DYM: variants seen among roughly 807,000 people sequenced by gnomAD.
The protein encoded by DYM is dyggve-Melchior-Clausen syndrome protein.
In DYM, 78 loss-of-function variants were observed where a neutral mutation model predicts 93.1. The ratio of observed to expected loss-of-function variants is 0.84; its 90% CI spans 0.70 to 1.01. The LOEUF is 1.01. DYM is among the 50% of genes least tolerant of loss of function. The probability of loss-of-function intolerance (pLI) is 0.00; values close to 1 mark genes in which losing one functional copy is unlikely to be tolerated. For synonymous variants in DYM, 321 were observed against 319.7 expected (o/e 1.00, Z -0.04); for missense variants, 789 against 845.0 (o/e 0.93, Z 0.82).
At chr18:49,315,186 G>A (rs2061847622) in intron 8 of DYM, among the ~76,000 whole-genome samples, 1 of 150,816 alleles carries the variant, frequency 6.6e-6, no homozygotes, top group Non-Finnish European at 1.5e-5. Context: ...CTGCACTCCA[G>A]CCTGGGTGAC....
At chr18:49,060,477 G>T (rs1599430604) in intron 17 of DYM, among the ~76,000 whole-genome samples, 1 of 151,492 alleles carries the variant, frequency 6.6e-6, no homozygotes, top group African/African-American at 2.4e-5. Flanking sequence ...TTCCTACAAA[G>T]TGCCTGGCTG....
intron 14 of DYM, among the ~76,000 whole-genome samples, chr18:49,185,890 C>T (rs976371415): frequency 2.0e-5 from 3 of 152,178 alleles, no homozygotes; most frequent in Non-Finnish European, 4.4e-5. Context: ...AAAACACCAA[C>T]ATTTGTCTAT....
intron 10 of DYM, among the ~76,000 whole-genome samples, chr18:49,275,191 C>T (rs2094819568): frequency 6.6e-6 from 1 of 152,096 alleles, no homozygotes; most frequent in South Asian, 2.1e-4. Flanking sequence ...TTGCAAGTGA[C>T]TACACAGTGG....
intron 17 of DYM, among the ~76,000 whole-genome samples, chr18:49,094,943 G>A (rs768034946): frequency 2.6e-5 from 4 of 152,130 alleles, no homozygotes; most frequent in Non-Finnish European, 4.4e-5. Flanking sequence ...GAGTTTCTAA[G>A]TGTTTAATTT....
At chr18:49,228,769 A>G (rs4939852) in intron 13 of DYM, among the ~76,000 whole-genome samples, 151,567 of 152,246 alleles carry the variant, frequency 1, 75,451 homozygotes, top group Middle Eastern at 1. Flanking sequence ...GGTGAGGTGC[A>G]ATGAAAGAGA....
chr18:49,400,173 T>C (rs1429419465), intron 2 of DYM, among the ~76,000 whole-genome samples: 1 of 152,056 alleles, frequency 6.6e-6, no homozygotes, highest in Non-Finnish European at 1.5e-5. Context: ...ACTCCTGACC[T>C]CAGGTGATCC....
chr18:49,085,515 G>A (rs1050341905), intron 17 of DYM, among the ~76,000 whole-genome samples: 12 of 150,962 alleles, frequency 7.9e-5, no homozygotes, highest in African/African-American at 2.9e-4. Flanking sequence ...ATTAGTCAGA[G>A]ATTAGGAAGT....
chr18:49,081,251 C>T (rs1271435976), intron 17 of DYM, among the ~76,000 whole-genome samples: 36 of 150,910 alleles, frequency 2.4e-4, no homozygotes, highest in Non-Finnish European at 4.0e-4. Context: ...TCTGCAATCC[C>T]GGCACCTCGG....
At chr18:49,113,378 C>T (rs888975663) in intron 16 of DYM, among the ~76,000 whole-genome samples, 5 of 152,192 alleles carry the variant, frequency 3.3e-5, no homozygotes, top group Admixed American at 1.3e-4. Context: ...CTGCTTAATT[C>T]AGCCTGATCA....
chr18:49,351,925 C>T (rs140142119), intron 6 of DYM, among the ~76,000 whole-genome samples: 395 of 152,260 alleles, frequency 2.6e-3, no homozygotes, highest in African/African-American at 8.6e-3. Flanking sequence ...GATGACACAG[C>T]TATGTGATAG....
chr18:49,100,841 T>C (rs1434105840), intron 16 of DYM, among the ~76,000 whole-genome samples: 1 of 151,806 alleles, frequency 6.6e-6, no homozygotes, highest in Non-Finnish European at 1.5e-5. Context: ...GTGGGAGGAG[T>C]AGGACTCCAG....
chr18:49,246,571 T>C (rs898152277), intron 13 of DYM, among the ~76,000 whole-genome samples: 6 of 152,244 alleles, frequency 3.9e-5, no homozygotes, highest in African/African-American at 1.2e-4. Flanking sequence ...TGTCTGCTTC[T>C]GCAACAGTGT....
chr18:49,282,474 A>G (rs2095013302), intron 9 of DYM, among the ~76,000 whole-genome samples: 1 of 152,122 alleles, frequency 6.6e-6, no homozygotes, highest in African/African-American at 2.4e-5. Context: ...TTAGCCAGGC[A>G]TGGTGGCGTG....
rs75219584 is a variant in DYM, at chr18:49,301,115, T to G, written c.764-14499A>C. Among the ~76,000 whole-genome samples, 363 of 152,224 alleles carry G rather than the reference T, an allele frequency of 2.4e-3. 2 individuals carry two copies. Among genetic ancestry groups the G allele is most frequent in the African/African-American group, 8.3e-3 (344 of 41,540 alleles). On this transcript the variant is annotated intron_variant, in intron 8 of 17. Transcript: ENST00000675505. ...CATGTAAGTATTTGAAAAAGAAGAT[T>G]TCAAATTAATAAATCAAGGGGTCTT... is the stretch of plus-strand genomic sequence containing the variant.
At chr18:49,154,567 G>C (rs2086175752) in intron 15 of DYM, among the ~76,000 whole-genome samples, 1 of 151,950 alleles carries the variant, frequency 6.6e-6, no homozygotes, top group South Asian at 2.1e-4. Flanking sequence ...GCTAATTTTT[G>C]TATTTTTAGT....
At chr18:49,240,040 C>A (rs982540787) in intron 13 of DYM, among the ~76,000 whole-genome samples, 3 of 151,810 alleles carry the variant, frequency 2.0e-5, no homozygotes, top group Non-Finnish European at 4.4e-5. Context: ...TTCTGTATAC[C>A]CCTTCTCTTT....
chr18:49,281,993 T>C lies in DYM; in HGVS notation c.1125+4A>G, dbSNP rs1478089811. 1 of 1,612,898 alleles carries C rather than the reference T, an allele frequency of 6.2e-7. No homozygotes were observed. Among genetic ancestry groups the C allele is most frequent in the East Asian group, 2.2e-5 (1 of 44,826 alleles). ...ACGCATGGAATGTTTAGTATGATAC[T>C]TACAAGATTTTCCATATCTGTGCGA... is the stretch of plus-strand genomic sequence containing the variant. On this transcript the variant is annotated splice_donor_region_variant and intron_variant, in intron 10 of 17. Coordinates refer to ENST00000675505, the MANE Select transcript of DYM (RefSeq NM_001353214.3).
chr18:49,281,937 A>G, intron 10 of DYM, 60 bp downstream of exon 10: 1 of 1,550,704 alleles, frequency 6.4e-7, no homozygotes, highest in Non-Finnish European at 8.8e-7. Flanking sequence ...ATGTACCCTA[A>G]AACTTAAAGT....
At chr18:49,132,615 G>A (rs1405460107) in intron 15 of DYM, among the ~76,000 whole-genome samples, 1 of 151,188 alleles carries the variant, frequency 6.6e-6, no homozygotes, top group African/African-American at 2.4e-5. Context: ...CTTAAACAGG[G>A]GTAACATAAC....
Sources: allele counts gnomAD v4.1 joint callset (sites outside exome capture counted in the v4.1 genomes callset), GRCh38; gene constraint gnomAD v4.1.1; transcripts MANE v1.5; gene names NCBI Gene and HGNC (gene_info 2026-07-23, HGNC 2026-07-21).